Variants in PLEKHO2 observed in about 807,000 individuals in gnomAD.
PLEKHO2 encodes the protein pleckstrin homology domain containing O2.
PLEKHO2 carries 20 observed loss-of-function variants against 32.7 expected under a neutral mutation model. That is an observed-to-expected ratio of 0.61 (90% confidence interval 0.43 to 0.89). PLEKHO2 has a LOEUF of 0.89. PLEKHO2 is among the 40% of genes least tolerant of loss of function. The pLI is 0.00. For missense variants in PLEKHO2, 568 were observed against 621.2 expected (o/e 0.91, Z 0.91); for synonymous variants, 247 against 246.3 (o/e 1.00, Z -0.03).
chr15:64,847,428 C>T (rs1220410886), intron 1 of PLEKHO2, among the ~76,000 whole-genome samples: 1 of 152,158 alleles, frequency 6.6e-6, no homozygotes, highest in Non-Finnish European at 1.5e-5. Context: ...ATCCCCTCTC[C>T]TTCACCCCCC....
intron 1 of PLEKHO2, among the ~76,000 whole-genome samples, chr15:64,842,429 CCTGA>C (rs1291009151): frequency 1.4e-5 from 2 of 139,120 alleles, no homozygotes; most frequent in Non-Finnish European, 3.0e-5. Context: ...TGTGTCGGAT[CCTGA>C]CTGTGTGTGT....
intron 2 of PLEKHO2, among the ~76,000 whole-genome samples, chr15:64,853,515 C>T (rs1400595809): frequency 6.6e-6 from 1 of 151,850 alleles, no homozygotes; most frequent in Non-Finnish European, 1.5e-5. Flanking sequence ...AGTATGGTCT[C>T]GATCTCCTGA....
chr15:64,859,743 T>C (rs1166271098), intron 3 of PLEKHO2, 151 bp from the exon 4 acceptor site: 5 of 687,272 alleles, frequency 7.3e-6, no homozygotes, highest in African/African-American at 1.8e-5. Flanking sequence ...CTGTGAGATC[T>C]TTCCCTTTCC....
chr15:64,861,360 A>G, intron 4 of PLEKHO2, 117 bp from the exon 5 acceptor site: 1 of 680,578 alleles, frequency 1.5e-6, no homozygotes, highest in Non-Finnish European at 2.4e-6. Context: ...GGGCAGGGAG[A>G]TTCCCAGAGA....
At chr15:64,860,912 C>G (rs1330336073) in intron 4 of PLEKHO2, among the ~76,000 whole-genome samples, 1 of 152,232 alleles carries the variant, frequency 6.6e-6, no homozygotes, top group African/African-American at 2.4e-5. Context: ...CACTCCCCAT[C>G]ATAGGGCCAG....
At chr15:64,858,672 A>G (rs2084622089) in intron 3 of PLEKHO2, among the ~76,000 whole-genome samples, 1 of 152,224 alleles carries the variant, frequency 6.6e-6, no homozygotes, top group Non-Finnish European at 1.5e-5. Context: ...AGGGAAGGCA[A>G]TGGTGCTAAT....
intron 4 of PLEKHO2, 32 bp downstream of exon 4, chr15:64,860,030 T>G: frequency 1.3e-6 from 2 of 1,573,274 alleles, no homozygotes; most frequent in Non-Finnish European, 1.7e-6. Context: ...TGGACAGCTC[T>G]GTGTCTCCTT....
intron 1 of PLEKHO2, among the ~76,000 whole-genome samples, chr15:64,842,499 G>A (rs928198927): frequency 6.6e-6 from 1 of 152,046 alleles, no homozygotes; most frequent in African/African-American, 2.4e-5. Context: ...CTGACTCTGT[G>A]TGTGTGTGTA....
At chr15:64,853,239 T>A (rs12914525) in intron 2 of PLEKHO2, among the ~76,000 whole-genome samples, 2 of 150,814 alleles carry the variant, frequency 1.3e-5, no homozygotes, top group Non-Finnish European at 1.5e-5. Context: ...AATGATTGAG[T>A]GGGGATGAGG....
chr15:64,848,925 G>A (rs532417963), intron 2 of PLEKHO2, among the ~76,000 whole-genome samples, 183 bp downstream of exon 2: 44 of 152,200 alleles, frequency 2.9e-4, no homozygotes, highest in Admixed American at 2.2e-3. Flanking sequence ...TAATACCTCC[G>A]AGGACAAATC....
intron 5 of PLEKHO2, among the ~76,000 whole-genome samples, chr15:64,863,278 G>A (rs1289735216): frequency 6.6e-6 from 1 of 152,102 alleles, no homozygotes; most frequent in East Asian, 1.9e-4. Context: ...GGGCTGTCCC[G>A]GGGTGCAGGG....
intron 5 of PLEKHO2, among the ~76,000 whole-genome samples, chr15:64,862,226 G>A (rs900533689): frequency 2.0e-5 from 3 of 152,120 alleles, no homozygotes; most frequent in Admixed American, 6.6e-5. Flanking sequence ...GCGTTTCAGA[G>A]GTCAGTTTGA....
intron 3 of PLEKHO2, among the ~76,000 whole-genome samples, chr15:64,857,516 G>A (rs1475398886): frequency 6.6e-6 from 1 of 152,126 alleles, no homozygotes; most frequent in Non-Finnish European, 1.5e-5. Flanking sequence ...CATATTTTTT[G>A]TAGAGATGGG....
chr15:64,842,390 CTGTG>C (rs1184410989), intron 1 of PLEKHO2, among the ~76,000 whole-genome samples: 40 of 145,228 alleles, frequency 2.8e-4, no homozygotes, highest in Middle Eastern at 3.4e-3. Context: ...CTCTCTCTCT[CTGTG>C]TGTGTGTGTG....
At chr15:64,842,153 C>T in intron 1 of PLEKHO2, 125 bp downstream of exon 1, 1 of 929,534 alleles carries the variant, frequency 1.1e-6, no homozygotes. Context: ...CAGGAAGAGC[C>T]TGGGCAAATG....
chr15:64,866,263 T>C lies in PLEKHO2; in HGVS notation c.*375T>C, dbSNP rs559443715. On this transcript the variant is annotated 3_prime_UTR_variant, in exon 6 of 6. Coordinates refer to ENST00000323544, the MANE Select transcript of PLEKHO2 (RefSeq NM_025201.5). The stretch of plus-strand genomic sequence containing the variant: ...TGTTCCCCATCCCCAGTAGTTTACA[T>C]TCCTGACTTCTGAATACAGCACAGC... 2.2e-6 allele frequency: 1 copy of C among 456,030 alleles called. No individual in the cohort carries two copies. The highest frequency in any genetic ancestry group is 2.0e-5 in the African/African-American group (1 of 50,432). The allele number at this position is 456,030 out of a possible 1,614,324, so 28.2% of individuals were successfully genotyped here. A position where few individuals can be genotyped will look rare whatever the true frequency, so the allele number is the denominator to read the frequency against.
intron 1 of PLEKHO2, among the ~76,000 whole-genome samples, chr15:64,847,851 G>C (rs1464493498): frequency 6.6e-6 from 1 of 152,180 alleles, no homozygotes; most frequent in African/African-American, 2.4e-5. Flanking sequence ...GTGGGAAGCG[G>C]AAGGGGCTGC....
chr15:64,848,882 C>G, intron 2 of PLEKHO2, 140 bp downstream of exon 2: 1 of 963,400 alleles, frequency 1.0e-6, no homozygotes. Flanking sequence ...TGAGCGAGTA[C>G]CTAATCCTCT....
intron 1 of PLEKHO2, among the ~76,000 whole-genome samples, chr15:64,842,686 C>A (rs1453643917): frequency 3.3e-5 from 5 of 152,172 alleles, no homozygotes; most frequent in Non-Finnish European, 7.3e-5. Context: ...GTCCGGCCCA[C>A]CTAGGGTCTG....
Sources: allele counts gnomAD v4.1 joint callset (sites outside exome capture counted in the v4.1 genomes callset), GRCh38; gene constraint gnomAD v4.1.1; transcripts MANE v1.5; gene names NCBI Gene and HGNC (gene_info 2026-07-23, HGNC 2026-07-21).